The following CLCN7 variants were observed in gnomAD, a reference collection of about 807,000 sequenced individuals.
CLCN7 encodes Cl-/H+ antiporter 7.
Under a neutral mutation model 102.1 loss-of-function variants are expected in CLCN7, and 60 were observed. The ratio of observed to expected loss-of-function variants is 0.59; its 90% confidence interval spans 0.48 to 0.73. CLCN7 has a LOEUF of 0.73. Ranked by LOEUF, CLCN7 falls within the 30% of genes least tolerant of loss-of-function variation. The pLI is 0.00. For missense variants in CLCN7, 962 were observed against 1,125.7 expected (o/e 0.85, Z 2.08); for synonymous variants, 560 against 490.5 (o/e 1.14, Z -1.87).
At position 1,447,075 on chromosome 16, in the gene CLCN7, G is replaced by A. The variant is rs2038659963; in HGVS notation, c.2262C>T (p.Leu754=). Reference sequence around the variant, plus strand: ...CCCGGAACAGCTTGAACACCCGTGGGAGCGACGCCTCCTGCAGCAGGGGCA... The same window carrying A: ...CCCGGAACAGCTTGAACACCCGTGGAAGCGACGCCTCCTGCAGCAGGGGCA... ...SPYTVPQEAS[L]PRVFKLFRAL... is the part of the protein sequence containing the mutation. Residue 754 remains leucine, a synonymous_variant, in exon 24 of 25, where the codon CTC becomes CTT. Coordinates refer to ENST00000382745, the MANE Select transcript of CLCN7 (RefSeq NM_001287.6). 5.0e-6 allele frequency: 8 copies of A among 1,599,400 alleles called. No homozygotes were observed. Among genetic ancestry groups the A allele is most frequent in the Non-Finnish European group, 6.8e-6 (8 of 1,177,346 alleles).
chr16:1,456,532 C>T (rs1256599601), intron 9 of CLCN7, among the ~76,000 whole-genome samples: 2 of 152,182 alleles, frequency 1.3e-5, no homozygotes, highest in Non-Finnish European at 2.9e-5. Flanking sequence ...TCCTGCGGGA[C>T]GCTGCCTGCC....
At chr16:1,454,288 C>G (rs1018033823) in intron 13 of CLCN7, 123 bp downstream of exon 13, 33 of 960,448 alleles carry the variant, frequency 3.4e-5, no homozygotes, top group Non-Finnish European at 4.9e-5. Context: ...TGGAGGCCCC[C>G]GGGTGGCCCT....
At position 1,457,212 on chromosome 16, in the gene CLCN7, C is replaced by T. The variant is rs772562161; in HGVS notation, c.822+42G>A. The T allele has an allele frequency of 2.0e-5, 31 of 1,565,540 alleles. No homozygotes were observed. The highest frequency in any genetic ancestry group is 1.0e-4 in the South Asian group (9 of 90,214). On this transcript the variant is annotated intron_variant, in intron 9 of 24. Coordinates refer to ENST00000382745, the MANE Select transcript of CLCN7 (RefSeq NM_001287.6). This position sits in a 1 kb window ranked among gnomAD's most constrained non-coding sequence, Gnocchi z 5.4. ...TCCCTGAGTGGTGCCCGTGCCCGTG[C>T]CCATGGCATCTGGAGCCCACCCACA...
chr16:1,448,187 C>A, intron 21 of CLCN7, 168 bp downstream of exon 21: 1 of 937,484 alleles, frequency 1.1e-6, no homozygotes, highest in South Asian at 1.6e-5. Flanking sequence ...CCAGCCTCAG[C>A]GTCCACACAG....
intron 1 of CLCN7, chr16:1,474,454 A>C: frequency 2.9e-6 from 1 of 341,218 alleles, no homozygotes; most frequent in Admixed American, 4.3e-5. Context: ...GTGTAGGATG[A>C]CAATTTTTAA....
chr16:1,472,887 C>A (rs1045916253), intron 1 of CLCN7, among the ~76,000 whole-genome samples: 41 of 149,440 alleles, frequency 2.7e-4, no homozygotes, highest in Non-Finnish European at 4.4e-4. Flanking sequence ...CTCAGCCTCC[C>A]GAGCCAGTAG....
intron 1 of CLCN7, among the ~76,000 whole-genome samples, chr16:1,466,416 G>A (rs1444985970): frequency 6.6e-6 from 1 of 152,218 alleles, no homozygotes; most frequent in East Asian, 1.9e-4. Context: ...GAGCCCACAG[G>A]GCCGAGGTGG....
chr16:1,448,533 C>G, intron 20 of CLCN7, 49 bp from the exon 21 acceptor site: 1 of 1,604,048 alleles, frequency 6.2e-7, no homozygotes, highest in Non-Finnish European at 8.5e-7. Context: ...CACCAACTCC[C>G]ACAGTTACCT....
At chr16:1,474,172 A>C (rs1169747640) in intron 1 of CLCN7, 2 of 455,990 alleles carry the variant, frequency 4.4e-6, no homozygotes, top group Non-Finnish European at 8.8e-6. Flanking sequence ...GCTCAGACGC[A>C]CGCTGCAGGG....
chr16:1,463,776 A>G (rs1295333883), intron 2 of CLCN7, among the ~76,000 whole-genome samples: 2 of 41,874 alleles, frequency 4.8e-5, no homozygotes, highest in African/African-American at 1.2e-4. Context: ...CCTGCCCAGA[A>G]AAAAAAAAAA....
chr16:1,450,716 G>A lies in CLCN7; in HGVS notation c.1448-50C>T, dbSNP rs762732233. Reference sequence around the variant, plus strand: ...GGCCTCCACGACTCCCGCCTCCGCAGGACTGCCCTGCCCCGCTGCCCAGTC... The same window carrying A: ...GGCCTCCACGACTCCCGCCTCCGCAAGACTGCCCTGCCCCGCTGCCCAGTC... On this transcript the variant is annotated intron_variant, in intron 16 of 24. Transcript: ENST00000382745. 287 of 1,242,660 alleles carry A rather than the reference G, an allele frequency of 2.3e-4. 24 individuals are homozygous for A. The highest frequency in any genetic ancestry group is 6.6e-4 in the Middle Eastern group (3 of 4,526). The allele number at this position is 1,242,660 out of a possible 1,614,324, so 77.0% of individuals were successfully genotyped here. A position where few individuals can be genotyped will look rare whatever the true frequency, so the allele number is the denominator to read the frequency against.
chr16:1,465,635 G>T (rs1239095434), intron 1 of CLCN7, among the ~76,000 whole-genome samples: 1 of 152,142 alleles, frequency 6.6e-6, no homozygotes, highest in Non-Finnish European at 1.5e-5. Flanking sequence ...CACCAGGAAA[G>T]AAGGGCTGGA....
In CLCN7 at chr16:1,455,327, C is replaced by T. The variant is rs890320119; in HGVS notation, c.982-77G>A. 23 of 955,802 alleles carry T rather than the reference C, an allele frequency of 2.4e-5. No homozygotes were observed. In the Admixed American group the frequency reaches 3.0e-4, roughly 13 times the overall value. 59.2% of individuals were successfully genotyped at this position (955,802 alleles called of 1,614,324 possible). ...GGGCTCACGGACCAGCAGGGACCAT[C>T]GCCCCTCCTGTCAGCCCCGGGGCCA... On this transcript the variant is annotated intron_variant, in intron 11 of 24. Transcript: ENST00000382745.
At chr16:1,467,322 C>T (rs1450058478) in intron 1 of CLCN7, among the ~76,000 whole-genome samples, 1 of 152,240 alleles carries the variant, frequency 6.6e-6, no homozygotes, top group Non-Finnish European at 1.5e-5. Flanking sequence ...GCCTGCCCCT[C>T]CTCTTCCCCC....
chr16:1,461,649 G>A lies in CLCN7; in HGVS notation c.239C>T (p.Pro80Leu), dbSNP rs368173900. The part of the protein sequence containing the change: ...DPDMDPPHPF[P>L]KEIPHNEKLL... ...CTTCTCGTTGTGTGGGATCTCCTTGGGGAAGGGATGTGGAGGGTCCATATC... is the reference window on the plus strand; with the variant it reads ...CTTCTCGTTGTGTGGGATCTCCTTGAGGAAGGGATGTGGAGGGTCCATATC... Residue 80 changes from proline (P) to leucine (L), a missense_variant, in exon 3 of 25, where the codon CCC becomes CTC. Pro to Leu is a moderately conservative substitution (Grantham distance 98). This residue lies in a region of CLCN7 where 163 missense variants were observed against 137.7 expected (regional missense o/e 1.18). Coordinates refer to ENST00000382745, the MANE Select transcript of CLCN7 (RefSeq NM_001287.6). 6.2e-7 allele frequency: 1 copy of A among 1,614,150 alleles called. No individual in the cohort carries two copies. The highest frequency in any genetic ancestry group is 8.5e-7 in the Non-Finnish European group (1 of 1,180,026).
At chr16:1,455,643 G>A (rs963453943) in intron 11 of CLCN7, 88 bp downstream of exon 11, 23 of 1,398,234 alleles carry the variant, frequency 1.6e-5, no homozygotes, top group Middle Eastern at 1.8e-4. Flanking sequence ...GCCGCAGCTC[G>A]ATGGGTGGCC....
intron 16 of CLCN7, among the ~76,000 whole-genome samples, chr16:1,451,243 T>G (rs2038744520): frequency 6.6e-6 from 1 of 152,196 alleles, no homozygotes; most frequent in Non-Finnish European, 1.5e-5. Context: ...GGTCTCGCTG[T>G]GTCACCCAGG....
In CLCN7 at chr16:1,459,329, G is replaced by A. The variant is rs1455854769; in HGVS notation, c.595-142C>T. 6.0e-5 allele frequency: 39 copies of A among 646,810 alleles called. 1 individual carries two copies. Among genetic ancestry groups the A allele is most frequent in the Middle Eastern group, 3.6e-4 (1 of 2,776 alleles). The allele number at this position is 646,810 out of a possible 1,614,324, so 40.1% of individuals were successfully genotyped here. A position where few individuals can be genotyped will look rare whatever the true frequency, so the allele number is the denominator to read the frequency against. On this transcript the variant is annotated intron_variant, in intron 6 of 24. Transcript: ENST00000382745. ...AAGGGGAGCTCAGCACACAAACGTC[G>A]GGGCCCCAGGGAAGGGAAGAGCAGC... is the stretch of plus-strand genomic sequence containing the variant.
chr16:1,459,057 A>G, intron 7 of CLCN7, 50 bp downstream of exon 7: 1 of 1,487,322 alleles, frequency 6.7e-7, no homozygotes, highest in Non-Finnish European at 9.3e-7. Context: ...CTCCTGAACC[A>G]GCAAAGAGCG....
Sources: gnomAD v4.1 joint callset for allele counts (sites outside exome capture counted in the v4.1 genomes callset) on GRCh38, gnomAD v4.1.1 for gene constraint, gnomAD v4.1.1 regional missense constraint, Gnocchi (gnomAD v3.1) non-coding constraint, MANE v1.5 for transcripts, NCBI Gene and HGNC (gene_info 2026-07-23, HGNC 2026-07-21) for gene names.